PRKN: variants seen among roughly 807,000 people sequenced by gnomAD.
PRKN encodes E3 ubiquitin-protein ligase parkin.
In PRKN, 56 loss-of-function variants were observed where a neutral mutation model predicts 59.5. The ratio of observed to expected loss-of-function variants is 0.94; its 90% CI spans 0.76 to 1.18. PRKN has a LOEUF of 1.18. PRKN is among the 50% of genes most tolerant of loss of function. The pLI, the probability that PRKN is intolerant of heterozygous loss-of-function variation, is 0.00. For missense variants in PRKN, 657 were observed against 596.4 expected (o/e 1.10, Z -1.06); for synonymous variants, 250 against 222.1 (o/e 1.13, Z -1.12).
intron 3 of PRKN, among the ~76,000 whole-genome samples, chr6:162,205,906 CAGA>C (rs776131160): frequency 3.9e-5 from 6 of 152,140 alleles, no homozygotes; most frequent in Non-Finnish European, 7.3e-5. Flanking sequence ...CTAGAAAGCA[CAGA>C]AGAAGAGAAT....
intron 7 of PRKN, among the ~76,000 whole-genome samples, chr6:161,742,043 C>T (rs758086708): frequency 4.6e-5 from 7 of 152,112 alleles, no homozygotes; most frequent in East Asian, 3.9e-4. Context: ...GATCTTGGCA[C>T]GCTGCAACCT....
At chr6:162,109,412 G>C (rs1780328008) in intron 4 of PRKN, among the ~76,000 whole-genome samples, 1 of 152,212 alleles carries the variant, frequency 6.6e-6, no homozygotes, top group East Asian at 1.9e-4. Context: ...AACACTGCAT[G>C]TGCAGAAATT....
At chr6:162,391,229 G>A (rs1378005433) in intron 2 of PRKN, among the ~76,000 whole-genome samples, 1 of 152,104 alleles carries the variant, frequency 6.6e-6, no homozygotes, top group Non-Finnish European at 1.5e-5. Context: ...CTTCATCCAG[G>A]AAGATAATTT....
rs1368218707 is a variant in PRKN at position 161,480,930 on chromosome 6, T to C, written c.1083+67924A>G. Among the ~76,000 whole-genome samples, 1 of 152,208 alleles carries C rather than the reference T, an allele frequency of 6.6e-6. No individual in the cohort carries two copies. Among genetic ancestry groups the C allele is most frequent in the African/African-American group, 2.4e-5 (1 of 41,452 alleles). ...TGGAAAGGAAAGCTGATGGTGCAGC[T>C]TTCTCCATGGTAACCGGGCAAGGAG... On this transcript the variant is annotated intron_variant, in intron 9 of 11. Transcript: ENST00000366898. This position sits in a 1 kb window ranked among gnomAD's most constrained non-coding sequence, Gnocchi z 4.1.
rs181923737 is a variant in PRKN at position 161,719,878 on chromosome 6, A to G, written c.871+65894T>C. Reference sequence around the variant, plus strand: ...AACTCCTGGCCTCAAGCGATCCTCCAGCCTTGGCCTCCCAAAGTGCTGGGA... The same window carrying G: ...AACTCCTGGCCTCAAGCGATCCTCCGGCCTTGGCCTCCCAAAGTGCTGGGA... On this transcript the variant is annotated intron_variant, in intron 7 of 11. Coordinates refer to ENST00000366898, the MANE Select transcript of PRKN (RefSeq NM_004562.3). Among the ~76,000 whole-genome samples the G allele has an allele frequency of 4.7e-4, 72 of 152,292 alleles. 2 individuals carry two copies. Among genetic ancestry groups the G allele is most frequent in the Middle Eastern group, 3.4e-3 (1 of 294 alleles).
chr6:161,862,331 A>G (rs997619236), intron 6 of PRKN, among the ~76,000 whole-genome samples: 1 of 152,150 alleles, frequency 6.6e-6, no homozygotes, highest in African/African-American at 2.4e-5. Context: ...TCGAATAGGA[A>G]ATTCCCTAAA....
chr6:162,478,699 G>C (rs185630128), intron 1 of PRKN, among the ~76,000 whole-genome samples: 1 of 152,160 alleles, frequency 6.6e-6, no homozygotes, highest in East Asian at 1.9e-4. Flanking sequence ...AAACCCAGAT[G>C]GTACAGGCGA....
chr6:161,638,738 A>ATATT (rs1483745496), intron 7 of PRKN, among the ~76,000 whole-genome samples: 5 of 100,224 alleles, frequency 5.0e-5, no homozygotes, highest in African/African-American at 2.2e-4. Context: ...ACGAGATCTG[A>ATATT]TTTTTTTTTT....
intron 1 of PRKN, among the ~76,000 whole-genome samples, chr6:162,510,026 T>C (rs959537236): frequency 3.0e-4 from 45 of 152,200 alleles, no homozygotes; most frequent in African/African-American, 1.0e-3. Context: ...AAGGGCCTAA[T>C]GAAGGAACAC....
intron 2 of PRKN, among the ~76,000 whole-genome samples, chr6:162,326,558 C>T (rs1783288726): frequency 6.6e-6 from 1 of 152,206 alleles, no homozygotes; most frequent in East Asian, 1.9e-4. Flanking sequence ...AGATTAGAAA[C>T]ATCTTACTTA....
At position 161,540,705 on chromosome 6, in the gene PRKN, C is replaced by T. The variant is rs573422814; in HGVS notation, c.1083+8149G>A. The stretch of plus-strand genomic sequence containing the variant: ...AACACCTGTCTTACAAAATGTACCA[C>T]ACAAAAGGTAGTTCTTGCTCTACAG... On this transcript the variant is annotated intron_variant, in intron 9 of 11. Coordinates refer to ENST00000366898, the MANE Select transcript of PRKN (RefSeq NM_004562.3). Among the ~76,000 whole-genome samples the T allele has an allele frequency of 1.1e-4, 17 of 152,346 alleles. No individual in the cohort carries two copies. The South Asian group carries it at 2.9e-3, about 26-fold the overall frequency.
At chr6:161,782,816 C>T (rs1443433197) in intron 7 of PRKN, among the ~76,000 whole-genome samples, 1 of 152,084 alleles carries the variant, frequency 6.6e-6, no homozygotes, top group Admixed American at 6.6e-5. Context: ...ATCACTTGAA[C>T]CCGGGAGGCC....
At chr6:161,392,147 C>G (rs1186873314) in intron 9 of PRKN, among the ~76,000 whole-genome samples, 1 of 151,900 alleles carries the variant, frequency 6.6e-6, no homozygotes, top group Non-Finnish European at 1.5e-5. Context: ...CCGTCTTGGC[C>G]AAGCTGGTCT....
intron 8 of PRKN, among the ~76,000 whole-genome samples, chr6:161,558,756 T>C (rs1304500452): frequency 6.6e-6 from 1 of 152,008 alleles, no homozygotes; most frequent in Non-Finnish European, 1.5e-5. Context: ...GCATTAGAAA[T>C]TTTTTTCAAA....
chr6:161,629,754 C>G (rs1450190459), intron 7 of PRKN, among the ~76,000 whole-genome samples: 1 of 152,200 alleles, frequency 6.6e-6, no homozygotes, highest in Non-Finnish European at 1.5e-5. Flanking sequence ...CAGGAAGATG[C>G]TGCACATAAG....
chr6:161,786,599 T>C (rs945947663), intron 6 of PRKN, among the ~76,000 whole-genome samples: 2 of 152,054 alleles, frequency 1.3e-5, no homozygotes, highest in Non-Finnish European at 2.9e-5. Flanking sequence ...ACAAAGAAAA[T>C]AAAATTCCTT....
At chr6:161,838,813 C>T (rs1442272177) in intron 6 of PRKN, among the ~76,000 whole-genome samples, 4 of 152,288 alleles carry the variant, frequency 2.6e-5, no homozygotes, top group East Asian at 3.9e-4. Context: ...GCTCGCCCTG[C>T]GCCAGGGCAG....
At chr6:162,594,406 A>C (rs1363476134) in intron 1 of PRKN, among the ~76,000 whole-genome samples, 1 of 152,190 alleles carries the variant, frequency 6.6e-6, no homozygotes, top group East Asian at 1.9e-4. Flanking sequence ...ACTATTATTA[A>C]TTTTAAAAAT....
rs557525723 is a variant in PRKN at position 162,600,109 on chromosome 6, C to T, written c.7+127553G>A. On this transcript the variant is annotated intron_variant, in intron 1 of 11. Transcript: ENST00000366898. Reference sequence around the variant, plus strand: ...AGATCAAGATGAATGCTTTCATCACCCCAATAGCTTCCTTGTGCCTCTTTC... The same window carrying T: ...AGATCAAGATGAATGCTTTCATCACTCCAATAGCTTCCTTGTGCCTCTTTC... 7.9e-5 allele frequency among the ~76,000 whole-genome samples: 12 copies of T among 152,234 alleles called. No individual in the cohort carries two copies. The East Asian group carries it at 2.3e-3, about 29-fold the overall frequency.
Sources: allele counts gnomAD v4.1 joint callset (sites outside exome capture counted in the v4.1 genomes callset), GRCh38; gene constraint gnomAD v4.1.1; non-coding constraint Gnocchi (gnomAD v3.1); transcripts MANE v1.5; gene names NCBI Gene and HGNC (gene_info 2026-07-23, HGNC 2026-07-21).